RIMS2: variants seen among roughly 807,000 people sequenced by gnomAD.
RIMS2 encodes the protein regulating synaptic membrane exocytosis 2.
RIMS2 carries 59 observed loss-of-function variants against 174.4 expected under a neutral mutation model. The observed-to-expected ratio is 0.34, with a 90% CI of 0.27 to 0.42. RIMS2 has a LOEUF of 0.42. RIMS2 is among the 10% of genes least tolerant of loss of function. The pLI is 1.00. For missense variants in RIMS2, 1,620 were observed against 1,666.3 expected (o/e 0.97, Z 0.48); for synonymous variants, 606 against 572.5 (o/e 1.06, Z -0.84).
intron 1 of RIMS2, among the ~76,000 whole-genome samples, chr8:103,636,791 C>G (rs370654679): frequency 1.3e-4 from 5 of 39,690 alleles, no homozygotes; most frequent in South Asian, 8.2e-4. Flanking sequence ...CCCCCGCACC[C>G]CCCCCCCCCC....
At chr8:103,582,473 C>T (rs897365848) in intron 1 of RIMS2, among the ~76,000 whole-genome samples, 1 of 152,066 alleles carries the variant, frequency 6.6e-6, no homozygotes, top group African/African-American at 2.4e-5. Flanking sequence ...GATAGAGCAC[C>T]AAGAGGGCTC....
intron 2 of RIMS2, among the ~76,000 whole-genome samples, chr8:103,755,906 A>C (rs2097993090): frequency 6.6e-6 from 1 of 151,994 alleles, no homozygotes; most frequent in African/African-American, 2.4e-5. Context: ...GTTATTACTG[A>C]CCTTCTGAAG....
At chr8:104,120,161 A>C (rs2132280972) in intron 19 of RIMS2, among the ~76,000 whole-genome samples, 1 of 152,314 alleles carries the variant, frequency 6.6e-6, no homozygotes, top group African/African-American at 2.4e-5. Flanking sequence ...ATGATCTTCA[A>C]GTCTCCTCAC....
At chr8:104,002,699 T>A (rs2095435048) in intron 17 of RIMS2, among the ~76,000 whole-genome samples, 1 of 152,144 alleles carries the variant, frequency 6.6e-6, no homozygotes, top group Admixed American at 6.6e-5. Flanking sequence ...GGGATGAAGG[T>A]AGTAAATTTA....
At chr8:103,584,338 A>G (rs1420457144) in intron 1 of RIMS2, among the ~76,000 whole-genome samples, 1 of 152,202 alleles carries the variant, frequency 6.6e-6, no homozygotes, top group Non-Finnish European at 1.5e-5. Flanking sequence ...GAAATGCTAA[A>G]GGGAGTACTT....
rs1379674626 is a variant in RIMS2, at chr8:104,170,750, C to T, written c.3335-74166C>T. Among the ~76,000 whole-genome samples, 2 of 151,592 alleles carry T rather than the reference C, an allele frequency of 1.3e-5. 1 individual carries two copies. The highest frequency in any genetic ancestry group is 4.8e-5 in the African/African-American group (2 of 41,262). On this transcript the variant is annotated intron_variant, in intron 19 of 23. Coordinates refer to ENST00000504942, the Ensembl canonical transcript of RIMS2. ...TTCAATGTGTTATTGTTTTATAGGT[C>T]CTGTGAGATTTATGATTTAAGGAAG...
intron 1 of RIMS2, among the ~76,000 whole-genome samples, chr8:103,663,994 T>A (rs549475259): frequency 1.3e-5 from 2 of 152,294 alleles, no homozygotes; most frequent in South Asian, 2.1e-4. Context: ...TCTACAACCA[T>A]CTGATCTTTG....
chr8:103,768,567 C>A, intron 3 of RIMS2: 1 of 1,503,002 alleles, frequency 6.7e-7, no homozygotes, highest in Non-Finnish European at 9.3e-7. Flanking sequence ...AAGAGAAAAT[C>A]AGTTCGTGGT....
chr8:104,023,093 T>G (rs1297050605), intron 19 of RIMS2, among the ~76,000 whole-genome samples: 2 of 152,188 alleles, frequency 1.3e-5, no homozygotes, highest in Non-Finnish European at 2.9e-5. Context: ...ATGAGTAAGT[T>G]TAAGGGAGGA....
chr8:103,701,546 T>G (rs1377335893), intron 2 of RIMS2, among the ~76,000 whole-genome samples: 1 of 152,108 alleles, frequency 6.6e-6, no homozygotes, highest in Non-Finnish European at 1.5e-5. Flanking sequence ...ACTATATTTT[T>G]GTACCCATTA....
chr8:103,576,019 A>G (rs1317478180), intron 1 of RIMS2, among the ~76,000 whole-genome samples: 1 of 152,212 alleles, frequency 6.6e-6, no homozygotes, highest in South Asian at 2.1e-4. Flanking sequence ...ATCCTTGAGG[A>G]CAACCAAACA....
intron 14 of RIMS2, among the ~76,000 whole-genome samples, chr8:103,951,481 G>A (rs545935011): frequency 3.3e-4 from 50 of 152,294 alleles, no homozygotes; most frequent in African/African-American, 1.1e-3. Context: ...AGGATGGGGC[G>A]TTGCCTCACC....
In RIMS2 at chr8:103,619,665, C is replaced by T. The variant is rs180689045; in HGVS notation, c.177-77421C>T. Among the ~76,000 whole-genome samples the T allele has an allele frequency of 1.6e-3, 241 of 152,248 alleles. 3 individuals are homozygous for T. Among genetic ancestry groups the T allele is most frequent in the Admixed American group, 0.015 (230 of 15,270 alleles). ...CAGATCACATAGAGAAAGACTTCTA[C>T]TCTCTGTGTAAATGTAAACCTAAAT... is the stretch of plus-strand genomic sequence containing the variant. On this transcript the variant is annotated intron_variant, in intron 1 of 23. Coordinates refer to ENST00000504942, the Ensembl canonical transcript of RIMS2.
At position 103,800,315 on chromosome 8, in the gene RIMS2, C is replaced by T. The variant is rs534655823; in HGVS notation, c.698+33778C>T. Among the ~76,000 whole-genome samples, 6 of 152,048 alleles carry T rather than the reference C, an allele frequency of 3.9e-5. No individual in the cohort carries two copies. In the South Asian group the frequency reaches 1.2e-3, roughly 32 times the overall value. ...TATTTTTTCTTTTCAAGTCGTAAGCCTTTTATTTCATTTTTTTATCCTATT... is the reference window on the plus strand; with the variant it reads ...TATTTTTTCTTTTCAAGTCGTAAGCTTTTTATTTCATTTTTTTATCCTATT... On this transcript the variant is annotated intron_variant, in intron 3 of 23. Coordinates refer to ENST00000504942, the Ensembl canonical transcript of RIMS2.
chr8:103,745,845 A>G (rs1169490007), intron 2 of RIMS2, among the ~76,000 whole-genome samples: 1 of 152,124 alleles, frequency 6.6e-6, no homozygotes, highest in Non-Finnish European at 1.5e-5. Context: ...TATATTTTGG[A>G]TGCCAGACCC....
intron 14 of RIMS2, among the ~76,000 whole-genome samples, chr8:103,944,869 A>G (rs1349392691): frequency 6.6e-6 from 1 of 152,098 alleles, no homozygotes. Flanking sequence ...AAAGAAAGAA[A>G]CAAGAACTAG....
chr8:103,582,848 G>T (rs972925501), intron 1 of RIMS2, among the ~76,000 whole-genome samples: 1 of 152,150 alleles, frequency 6.6e-6, no homozygotes, highest in African/African-American at 2.4e-5. Flanking sequence ...GACCCACCTG[G>T]GGCCTGGGGG....
chr8:104,162,452 A>T (rs929968962), intron 19 of RIMS2, among the ~76,000 whole-genome samples: 1 of 152,212 alleles, frequency 6.6e-6, no homozygotes, highest in African/African-American at 2.4e-5. Flanking sequence ...ACAACTTGAG[A>T]TGTAAATATT....
chr8:103,626,990 C>A (rs1301161259), intron 1 of RIMS2, among the ~76,000 whole-genome samples: 1 of 152,150 alleles, frequency 6.6e-6, no homozygotes, highest in African/African-American at 2.4e-5. Flanking sequence ...GGTTTTAGAG[C>A]AGACAAACAG....
Sources: allele counts gnomAD v4.1 joint callset (sites outside exome capture counted in the v4.1 genomes callset), GRCh38; gene constraint gnomAD v4.1.1; transcripts MANE v1.5; gene names NCBI Gene and HGNC (gene_info 2026-07-23, HGNC 2026-07-21).